FRAS1: variants seen among roughly 807,000 people sequenced by gnomAD.
The protein encoded by FRAS1 is Fraser extracellular matrix complex subunit 1.
In FRAS1, 290 loss-of-function variants were observed where a neutral mutation model predicts 435.2. That is an observed-to-expected ratio of 0.67 (90% CI 0.61 to 0.73). FRAS1 has a LOEUF of 0.73. Ranked by LOEUF, FRAS1 falls within the 30% of genes least tolerant of loss-of-function variation. The pLI is 0.00. For synonymous variants in FRAS1, 1,800 were observed against 1,851.0 expected (o/e 0.97, Z 0.71); for missense variants, 4,860 against 5,001.5 (o/e 0.97, Z 0.85).
chr4:78,188,063 G>C (rs765638451), intron 2 of FRAS1, among the ~76,000 whole-genome samples: 1 of 152,138 alleles, frequency 6.6e-6, no homozygotes, highest in Non-Finnish European at 1.5e-5. Context: ...TATGATTAAC[G>C]AGAGGTAGAA....
chr4:78,231,549 C>T (rs1437658269), intron 2 of FRAS1, among the ~76,000 whole-genome samples: 4 of 151,696 alleles, frequency 2.6e-5, no homozygotes, highest in Non-Finnish European at 1.5e-5. Context: ...CACTTTTGGT[C>T]TAAGAAGCCA....
At position 78,429,083 on chromosome 4, in the gene FRAS1, T is replaced by G; in HGVS notation, c.4712-12T>G. The G allele has an allele frequency of 6.4e-7, 1 of 1,551,760 alleles. No individual in the cohort carries two copies. Among genetic ancestry groups the G allele is most frequent in the Non-Finnish European group, 8.7e-7 (1 of 1,146,906 alleles). On this transcript the variant is annotated splice_polypyrimidine_tract_variant and intron_variant, in intron 35 of 73. Transcript: ENST00000512123. ...GTGTGTCTCTGTGTGTGTGTGCATT[T>G]ATCCTTTTTAGTTTCAGATGGAGAA...
intron 3 of FRAS1, among the ~76,000 whole-genome samples, chr4:78,240,084 T>G (rs1724937062): frequency 6.6e-6 from 1 of 152,090 alleles, no homozygotes; most frequent in East Asian, 1.9e-4. Flanking sequence ...ATGAATGAAT[T>G]AATGAGAGAT....
intron 2 of FRAS1, among the ~76,000 whole-genome samples, chr4:78,102,266 C>T (rs910557510): frequency 1.3e-5 from 2 of 152,098 alleles, no homozygotes; most frequent in Non-Finnish European, 2.9e-5. Flanking sequence ...GAAGAAAGAG[C>T]GAACAGAAAA....
chr4:78,143,900 T>A, intron 2 of FRAS1, among the ~76,000 whole-genome samples: 1 of 124,486 alleles, frequency 8.0e-6, no homozygotes, highest in Non-Finnish European at 1.7e-5. Context: ...TGAGACCCTG[T>A]CTCAAAAAAA....
intron 2 of FRAS1, among the ~76,000 whole-genome samples, chr4:78,183,162 T>C (rs1366167091): frequency 6.6e-6 from 1 of 152,160 alleles, no homozygotes; most frequent in African/African-American, 2.4e-5. Flanking sequence ...TGCATAATTC[T>C]TGGGTTGGCA....
chr4:78,520,567 A>G (rs1199283241), intron 67 of FRAS1, among the ~76,000 whole-genome samples: 1 of 152,238 alleles, frequency 6.6e-6, no homozygotes, highest in Non-Finnish European at 1.5e-5. Flanking sequence ...GTATTTACAT[A>G]TAACCTATAC....
intron 2 of FRAS1, among the ~76,000 whole-genome samples, chr4:78,164,248 G>C (rs1721252447): frequency 6.6e-6 from 1 of 152,172 alleles, no homozygotes; most frequent in Admixed American, 6.6e-5. Context: ...ATTGGAAAGG[G>C]AGGGGTAGTA....
At chr4:78,174,798 T>C (rs1721696695) in intron 2 of FRAS1, among the ~76,000 whole-genome samples, 1 of 152,244 alleles carries the variant, frequency 6.6e-6, no homozygotes. Flanking sequence ...GAACACAGTC[T>C]AAATCTTGAG....
intron 5 of FRAS1, 105 bp downstream of exon 5, chr4:78,252,656 C>A: frequency 8.8e-7 from 1 of 1,132,166 alleles, no homozygotes; most frequent in Non-Finnish European, 1.2e-6. Context: ...TCTATTTTCC[C>A]TAAATGTTGG....
rs28713676 is a variant in FRAS1, at chr4:78,067,892, C to T, written c.108+1876C>T. 8.9e-3 allele frequency among the ~76,000 whole-genome samples: 1,278 copies of T among 144,242 alleles called. 19 individuals carry two copies. Among genetic ancestry groups the T allele is most frequent in the African/African-American group, 0.031 (1,183 of 38,718 alleles). The allele number at this position is 144,242 out of a possible 152,430, so 94.6% of individuals were successfully genotyped here. A position where few individuals can be genotyped will look rare whatever the true frequency, so the allele number is the denominator to read the frequency against. Reference sequence around the variant, plus strand: ...TTTTTTTTTGTATTTTTAGTAGAGACGGGGTTTTGGCATGTTGGCCAGGCT... The same window carrying T: ...TTTTTTTTTGTATTTTTAGTAGAGATGGGGTTTTGGCATGTTGGCCAGGCT... On this transcript the variant is annotated intron_variant, in intron 2 of 73. Transcript: ENST00000512123.
intron 70 of FRAS1, among the ~76,000 whole-genome samples, chr4:78,532,501 G>A (rs1325478031): frequency 6.6e-6 from 1 of 152,154 alleles, no homozygotes; most frequent in Non-Finnish European, 1.5e-5. Flanking sequence ...TTAGTTACCT[G>A]CATTCACACG....
At chr4:78,272,989 C>T (rs1021884167) in intron 9 of FRAS1, among the ~76,000 whole-genome samples, 6 of 151,966 alleles carry the variant, frequency 3.9e-5, no homozygotes, top group South Asian at 2.1e-4. Context: ...TTTATTTCAT[C>T]GATCAGTGGT....
At chr4:78,509,405 A>G (rs1401043749) in intron 63 of FRAS1, among the ~76,000 whole-genome samples, 1 of 152,182 alleles carries the variant, frequency 6.6e-6, no homozygotes, top group Non-Finnish European at 1.5e-5. Context: ...CTATTAATGT[A>G]TCTCCAATCG....
chr4:78,219,667 G>A (rs1265278824), intron 2 of FRAS1, among the ~76,000 whole-genome samples: 1 of 152,168 alleles, frequency 6.6e-6, no homozygotes, highest in African/African-American at 2.4e-5. Context: ...ACTTTGTTGA[G>A]AAGGTTGAGT....
intron 20 of FRAS1, among the ~76,000 whole-genome samples, chr4:78,346,815 T>C (rs1730620163): frequency 1.3e-5 from 2 of 152,144 alleles, no homozygotes; most frequent in African/African-American, 4.8e-5. Flanking sequence ...CCTCCCCCAG[T>C]GTCCCAGAGC....
chr4:78,362,070 G>A (rs1578273789), intron 20 of FRAS1, among the ~76,000 whole-genome samples: 1 of 152,294 alleles, frequency 6.6e-6, no homozygotes, highest in Non-Finnish European at 1.5e-5. Flanking sequence ...ACAAGAGACA[G>A]GGCTGTCTGG....
intron 1 of FRAS1, among the ~76,000 whole-genome samples, chr4:78,065,058 G>GTATATATA (rs34023994): frequency 1.3e-4 from 15 of 119,900 alleles, no homozygotes; most frequent in East Asian, 2.4e-4. Context: ...GTTTTATAGT[G>GTATATATA]TATATATATA....
chr4:78,094,910 G>C (rs141824778), intron 2 of FRAS1, among the ~76,000 whole-genome samples: 134 of 152,110 alleles, frequency 8.8e-4, no homozygotes, highest in African/African-American at 3.0e-3. Context: ...TAACTCATGG[G>C]GGCACTGTGG....
Sources: gnomAD v4.1 joint callset for allele counts (sites outside exome capture counted in the v4.1 genomes callset) on GRCh38, gnomAD v4.1.1 for gene constraint, MANE v1.5 for transcripts, NCBI Gene and HGNC (gene_info 2026-07-23, HGNC 2026-07-21) for gene names.